SVOPL: variants seen among roughly 807,000 people sequenced by gnomAD.
The protein encoded by SVOPL is SVOP like, also known as putative transporter SVOPL.
A neutral mutation model predicts 61.0 loss-of-function variants in SVOPL; 60 were observed. That is an observed-to-expected ratio of 0.98 (90% CI 0.80 to 1.22). SVOPL has a LOEUF of 1.22. Among genes scored for constraint, SVOPL ranks in the 50% most tolerant of loss-of-function variants. The probability of loss-of-function intolerance (pLI) is 0.00; values close to 1 mark genes in which losing one functional copy is unlikely to be tolerated. For synonymous variants in SVOPL, 279 were observed against 250.0 expected, an observed-to-expected ratio of 1.12 and a Z score of -1.09; for missense variants, 662 against 643.9, an observed-to-expected ratio of 1.03 and a Z score of -0.30.
At chr7:138,699,799 C>T (rs1232109761) in intron 1 of SVOPL, among the ~76,000 whole-genome samples, 2 of 152,302 alleles carry the variant, frequency 1.3e-5, no homozygotes, top group East Asian at 1.9e-4. Flanking sequence ...CCTCGCCCCG[C>T]CACCGGAACA....
chr7:138,605,291 T>A (rs1798703005), intron 14 of SVOPL, among the ~76,000 whole-genome samples: 1 of 151,932 alleles, frequency 6.6e-6, no homozygotes, highest in Admixed American at 6.6e-5. Context: ...GACTCCCTCT[T>A]TCACAGGTAG....
chr7:138,649,430 A>AT (rs1801310712), intron 7 of SVOPL, among the ~76,000 whole-genome samples: 1 of 151,938 alleles, frequency 6.6e-6, no homozygotes. Context: ...AGTAGCTGGG[A>AT]TTATAGGCAT....
chr7:138,596,956 A>G (rs1385259535), intron 14 of SVOPL: 2 of 1,121,260 alleles, frequency 1.8e-6, no homozygotes, highest in African/African-American at 3.3e-5. Flanking sequence ...GAAACAGGTG[A>G]AAGTTTTTTT....
intron 4 of SVOPL, 64 bp from the exon 5 acceptor site, chr7:138,663,209 A>C (rs550689169): frequency 5.7e-6 from 9 of 1,572,806 alleles, no homozygotes; most frequent in Non-Finnish European, 7.8e-6. Flanking sequence ...TTACCCCGTT[A>C]GCCATTTTCA....
At chr7:138,689,354 G>A (rs1563139569) in intron 1 of SVOPL, 1 of 1,590,430 alleles carries the variant, frequency 6.3e-7, no homozygotes, top group Non-Finnish European at 8.5e-7. Context: ...CACCTAAGAT[G>A]CGCCGCCGGA....
chr7:138,677,089 A>C (rs915589386), intron 3 of SVOPL, among the ~76,000 whole-genome samples: 11 of 151,874 alleles, frequency 7.2e-5, no homozygotes, highest in Non-Finnish European at 1.6e-4. Context: ...TATTTTTATT[A>C]GATACGGGGT....
intron 3 of SVOPL, among the ~76,000 whole-genome samples, chr7:138,676,215 T>C (rs1802556449): frequency 6.6e-6 from 1 of 152,226 alleles, no homozygotes; most frequent in Non-Finnish European, 1.5e-5. Context: ...ACATCACCAC[T>C]GTTGTGAAAG....
intron 1 of SVOPL, among the ~76,000 whole-genome samples, chr7:138,690,255 T>C (rs190465727): frequency 1.6e-4 from 24 of 152,298 alleles, no homozygotes; most frequent in African/African-American, 5.8e-4. Flanking sequence ...CATACATGAA[T>C]GGTCAGAGAA....
At position 138,601,226 on chromosome 7, in the gene SVOPL, T is replaced by C. The variant is rs569636876; in HGVS notation, c.1354-4696A>G. ...AAGATCGTGCCACTGCACTCTAGCCTGGGCGACAGAGCGAGATTCCATCTC... is the reference window on the plus strand; with the variant it reads ...AAGATCGTGCCACTGCACTCTAGCCCGGGCGACAGAGCGAGATTCCATCTC... On this transcript the variant is annotated intron_variant, in intron 14 of 15. Coordinates refer to ENST00000674285, the MANE Select transcript of SVOPL (RefSeq NM_001139456.2). Among the ~76,000 whole-genome samples, 500 of 129,970 alleles carry C rather than the reference T, an allele frequency of 3.8e-3. 3 individuals carry two copies. The highest frequency in any genetic ancestry group is 0.015 in the African/African-American group (486 of 33,032). 85.3% of individuals were successfully genotyped at this position (129,970 alleles called of 152,430 possible).
chr7:138,657,344 T>C (rs186732594), intron 6 of SVOPL, among the ~76,000 whole-genome samples: 2 of 152,044 alleles, frequency 1.3e-5, no homozygotes, highest in East Asian at 3.9e-4. Flanking sequence ...TTTGTAGAGA[T>C]GGGACCTTGC....
At chr7:138,655,809 G>A (rs1801702499) in intron 7 of SVOPL, among the ~76,000 whole-genome samples, 1 of 151,886 alleles carries the variant, frequency 6.6e-6, no homozygotes, top group Non-Finnish European at 1.5e-5. Flanking sequence ...GATTTCTTGA[G>A]ATGAAATCTA....
chr7:138,615,298 C>A (rs1799240529), intron 14 of SVOPL, among the ~76,000 whole-genome samples: 2 of 152,186 alleles, frequency 1.3e-5, no homozygotes, highest in Non-Finnish European at 2.9e-5. Flanking sequence ...TGGCTCACGC[C>A]TGTAATCCCA....
At chr7:138,605,824 C>T (rs1474948070) in intron 14 of SVOPL, among the ~76,000 whole-genome samples, 3 of 152,172 alleles carry the variant, frequency 2.0e-5, no homozygotes, top group East Asian at 1.9e-4. Flanking sequence ...AGGGAGTCCT[C>T]GCTGGCCACC....
intron 1 of SVOPL, among the ~76,000 whole-genome samples, chr7:138,692,128 A>G (rs1010394592): frequency 5.3e-5 from 8 of 152,118 alleles, no homozygotes; most frequent in African/African-American, 1.9e-4. Context: ...GTGAGCTGAG[A>G]TCATGCCATT....
chr7:138,626,382 A>G (rs1483118106), intron 12 of SVOPL, among the ~76,000 whole-genome samples: 5 of 152,008 alleles, frequency 3.3e-5, no homozygotes, highest in Non-Finnish European at 7.4e-5. Flanking sequence ...GTTCAAGACT[A>G]GCCTCAGCAA....
chr7:138,629,168 T>C (rs1256393055), intron 10 of SVOPL, among the ~76,000 whole-genome samples: 2 of 151,768 alleles, frequency 1.3e-5, no homozygotes, highest in Non-Finnish European at 2.9e-5. Context: ...TATGTATATA[T>C]AATTTGCTGG....
In SVOPL at chr7:138,595,065, CT is replaced by C. The variant is rs529690253; in HGVS notation, c.1468-445del. Among the ~76,000 whole-genome samples, 35 of 152,098 alleles carry C rather than the reference CT, an allele frequency of 2.3e-4. No individual in the cohort carries two copies. In the South Asian group the frequency reaches 7.3e-3, roughly 32 times the overall value. ...GCCACTGTACCTGGCCAATATTCTCCTTCTAGATAGTGTTTTAGATTTTTAG... is the reference window on the plus strand; with the variant it reads ...GCCACTGTACCTGGCCAATATTCTCCTCTAGATAGTGTTTTAGATTTTTAG... On this transcript the variant is annotated intron_variant, in intron 15 of 15. Transcript: ENST00000674285.
At chr7:138,676,336 T>C (rs1802558987) in intron 3 of SVOPL, among the ~76,000 whole-genome samples, 1 of 152,176 alleles carries the variant, frequency 6.6e-6, no homozygotes, top group Admixed American at 6.5e-5. Flanking sequence ...TTATAAGAAA[T>C]CTAAATTCAT....
chr7:138,629,717 A>T (rs1800084314), intron 10 of SVOPL, among the ~76,000 whole-genome samples: 1 of 152,146 alleles, frequency 6.6e-6, no homozygotes, highest in East Asian at 1.9e-4. Flanking sequence ...GTGCCACTGG[A>T]CTCGATGATT....
Sources: allele counts gnomAD v4.1 joint callset (sites outside exome capture counted in the v4.1 genomes callset), GRCh38; gene constraint gnomAD v4.1.1; transcripts MANE v1.5; gene names NCBI Gene and HGNC (gene_info 2026-07-23, HGNC 2026-07-21).